The following TBC1D5 variants were observed in gnomAD, a reference collection of about 807,000 sequenced individuals.
TBC1D5 encodes TBC1 domain family, member 5.
A neutral mutation model predicts 100.3 loss-of-function variants in TBC1D5; 75 were observed. The observed-to-expected ratio is 0.75, with a 90% CI of 0.62 to 0.91. The LOEUF is 0.91. TBC1D5 is among the 40% of genes least tolerant of loss of function. The pLI is 0.00. For synonymous variants in TBC1D5, 323 were observed against 325.6 expected (o/e 0.99, Z 0.09); for missense variants, 910 against 942.4 (o/e 0.97, Z 0.45).
In TBC1D5 at chr3:17,453,064, A is replaced by G. The variant is rs532348748; in HGVS notation, c.98-24545T>C. On this transcript the variant is annotated intron_variant, in intron 3 of 21. Transcript: ENST00000253692. ...AACAATATGCTCCAGAAAGACCAGC[A>G]GGTCAATGAAGAAATAAAAAAAAAA... Among the ~76,000 whole-genome samples the G allele has an allele frequency of 2.0e-5, 3 of 150,224 alleles. No homozygotes were observed. In the South Asian group the frequency reaches 6.3e-4, roughly 31 times the overall value.
At chr3:17,303,297 C>A (rs1470950770) in intron 14 of TBC1D5, among the ~76,000 whole-genome samples, 1 of 152,224 alleles carries the variant, frequency 6.6e-6, no homozygotes. Context: ...GAAGTTAATG[C>A]CATGCCTCTA....
In TBC1D5 at chr3:17,442,962, G is replaced by C. The variant is rs371036528; in HGVS notation, c.98-14443C>G. ...ATAGAAGGAAGGGAAGGGGAGGAAA[G>C]GGAAGAGAGGAAGGAGAAAAATTCT... On this transcript the variant is annotated intron_variant, in intron 3 of 21. Transcript: ENST00000253692. Among the ~76,000 whole-genome samples the C allele has an allele frequency of 9.3e-4, 142 of 152,024 alleles. 1 individual carries two copies. In the South Asian group the frequency reaches 0.017, roughly 18 times the overall value.
intron 3 of TBC1D5, among the ~76,000 whole-genome samples, chr3:17,470,315 T>C (rs1172893255): frequency 6.6e-6 from 1 of 152,212 alleles, no homozygotes; most frequent in African/African-American, 2.4e-5. Context: ...ATTTCTGCAT[T>C]CACCCAATCC....
intron 14 of TBC1D5, among the ~76,000 whole-genome samples, chr3:17,305,314 T>C (rs2083292024): frequency 6.6e-6 from 1 of 152,202 alleles, no homozygotes; most frequent in African/African-American, 2.4e-5. Context: ...GTTTCACCTT[T>C]GCCCATGTTC....
intron 13 of TBC1D5, among the ~76,000 whole-genome samples, chr3:17,318,989 T>C (rs1417769990): frequency 6.6e-6 from 1 of 152,170 alleles, no homozygotes; most frequent in Non-Finnish European, 1.5e-5. Context: ...TTAAGGAAAC[T>C]ATAAAGAACT....
intron 1 of TBC1D5, among the ~76,000 whole-genome samples, chr3:17,647,884 C>T (rs1342042359): frequency 6.6e-6 from 1 of 152,036 alleles, no homozygotes; most frequent in Non-Finnish European, 1.5e-5. Flanking sequence ...CTGCAAAGTC[C>T]AGGTGACAAT....
At chr3:17,742,067 C>A (rs2077500079), upstream of TBC1D5, among the ~76,000 whole-genome samples, 2 of 152,168 alleles carry the variant, frequency 1.3e-5, no homozygotes, top group Admixed American at 1.3e-4. Context: ...GTCCAGCCGC[C>A]AGGCCCTGCC....
At chr3:17,368,087 A>G in intron 13 of TBC1D5, among the ~76,000 whole-genome samples, 1 of 114,016 alleles carries the variant, frequency 8.8e-6, no homozygotes, top group Non-Finnish European at 1.9e-5. Flanking sequence ...GCTAACAAAA[A>G]ATTTTTAATC....
At chr3:17,702,806 G>GTGAT (rs2073399199) in intron 1 of TBC1D5, among the ~76,000 whole-genome samples, 1 of 152,118 alleles carries the variant, frequency 6.6e-6, no homozygotes, top group East Asian at 1.9e-4. Flanking sequence ...GCTGGCCTGA[G>GTGAT]TGATTAAAAC....
At chr3:17,323,241 A>T (rs535208140) in intron 13 of TBC1D5, among the ~76,000 whole-genome samples, 1 of 152,352 alleles carries the variant, frequency 6.6e-6, no homozygotes, top group East Asian at 1.9e-4. Context: ...CTTTTTGAAG[A>T]TATGAGATGC....
At position 17,665,846 on chromosome 3, in the gene TBC1D5, C is replaced by T. The variant is rs182529237; in HGVS notation, c.-100-41933G>A. Among the ~76,000 whole-genome samples, 12 of 152,288 alleles carry T rather than the reference C, an allele frequency of 7.9e-5. No homozygotes were observed. The East Asian group carries it at 2.3e-3, about 29-fold the overall frequency. On this transcript the variant is annotated intron_variant, in intron 1 of 21. Transcript: ENST00000253692. ...CTCCAATTTTAGGATCATCTGCAAA[C>T]TCTTGAGATCTTTTCTTTAAAGCTT... is the stretch of plus-strand genomic sequence containing the variant.
intron 3 of TBC1D5, among the ~76,000 whole-genome samples, chr3:17,502,456 C>T (rs1056055190): frequency 3.4e-5 from 5 of 149,206 alleles, no homozygotes; most frequent in Admixed American, 2.0e-4. Context: ...GTCTCCTCTG[C>T]GGGATCCTCT....
intron 1 of TBC1D5, chr3:17,705,924 G>A: frequency 9.6e-7 from 1 of 1,045,060 alleles, no homozygotes; most frequent in Non-Finnish European, 1.4e-6. Context: ...GGGCCCGCGG[G>A]GCCCGTCCGC....
chr3:17,285,886 A>T (rs1692094370), intron 15 of TBC1D5, among the ~76,000 whole-genome samples: 1 of 152,222 alleles, frequency 6.6e-6, no homozygotes, highest in African/African-American at 2.4e-5. Flanking sequence ...AGCATTGTAC[A>T]TTGTACATTA....
chr3:17,597,422 T>C (rs763037594), intron 2 of TBC1D5, among the ~76,000 whole-genome samples: 1 of 152,166 alleles, frequency 6.6e-6, no homozygotes. Flanking sequence ...AACTAACAAA[T>C]GGTAAAGCTG....
At chr3:17,411,956 T>C (rs1559830750) in intron 4 of TBC1D5, among the ~76,000 whole-genome samples, 2 of 152,194 alleles carry the variant, frequency 1.3e-5, no homozygotes, top group Admixed American at 1.3e-4. Flanking sequence ...CATAATAATA[T>C]ATTAATTGTC....
chr3:17,494,610 T>G (rs923099206), intron 3 of TBC1D5, among the ~76,000 whole-genome samples: 8 of 151,474 alleles, frequency 5.3e-5, no homozygotes, highest in Admixed American at 2.0e-4. Context: ...CTGGCTGGAG[T>G]TGCTGAAATT....
At chr3:17,308,263 T>C (rs1310713594) in intron 13 of TBC1D5, 129 bp from the exon 14 acceptor site, 7 of 870,426 alleles carry the variant, frequency 8.0e-6, no homozygotes, top group South Asian at 7.5e-5. Flanking sequence ...AAAAATATAA[T>C]ATAGTAAAAT....
chr3:17,271,413 T>C (rs777695411), intron 15 of TBC1D5, among the ~76,000 whole-genome samples: 17 of 152,302 alleles, frequency 1.1e-4, no homozygotes, highest in East Asian at 1.9e-4. Flanking sequence ...TCAGCTTACA[T>C]TGGTGTACAG....
Sources: allele counts gnomAD v4.1 joint callset (sites outside exome capture counted in the v4.1 genomes callset), GRCh38; gene constraint gnomAD v4.1.1; transcripts MANE v1.5; gene names NCBI Gene and HGNC (gene_info 2026-07-23, HGNC 2026-07-21).